Variants in CNTLN observed in about 807,000 individuals in gnomAD.
The protein encoded by CNTLN is centlein.
CNTLN carries 212 observed loss-of-function variants against 180.0 expected under a neutral mutation model. The ratio of observed to expected loss-of-function variants is 1.18; its 90% confidence interval spans 1.05 to 1.32. CNTLN has a LOEUF of 1.32. Among genes scored for constraint, CNTLN ranks in the 40% most tolerant of loss-of-function variants. The pLI is 0.00. For synonymous variants in CNTLN, 722 were observed against 563.1 expected, an observed-to-expected ratio of 1.28 and a Z score of -3.99; for missense variants, 2,095 against 1,610.9, an observed-to-expected ratio of 1.30 and a Z score of -5.14.
At chr9:17,429,622 A>C (rs1460735105) in intron 18 of CNTLN, among the ~76,000 whole-genome samples, 1 of 152,008 alleles carries the variant, frequency 6.6e-6, no homozygotes, top group Non-Finnish European at 1.5e-5. Flanking sequence ...TTAATTGGAT[A>C]AGAATTATTA....
At chr9:17,180,749 C>T (rs1332204510) in intron 2 of CNTLN, among the ~76,000 whole-genome samples, 3 of 152,008 alleles carry the variant, frequency 2.0e-5, no homozygotes, top group Non-Finnish European at 2.9e-5. Context: ...TCCTAGATTT[C>T]CCCCCTCCTA....
At chr9:17,231,351 T>C (rs1475245474) in intron 3 of CNTLN, among the ~76,000 whole-genome samples, 1 of 151,230 alleles carries the variant, frequency 6.6e-6, no homozygotes, top group African/African-American at 2.4e-5. Flanking sequence ...ACACACACAG[T>C]TTTTTTTTAG....
intron 7 of CNTLN, among the ~76,000 whole-genome samples, chr9:17,308,564 A>C (rs991270942): frequency 2.6e-5 from 4 of 152,070 alleles, no homozygotes; most frequent in African/African-American, 9.7e-5. Context: ...GTTAAGTCCG[A>C]TTAAACTGAT....
chr9:17,321,962 A>G (rs1163284645), intron 8 of CNTLN, among the ~76,000 whole-genome samples: 4 of 152,228 alleles, frequency 2.6e-5, no homozygotes, highest in African/African-American at 7.2e-5. Flanking sequence ...TAGTACTTTT[A>G]TATTATGCTT....
chr9:17,522,627 A>G, the CNTLN span, among the ~76,000 whole-genome samples: 2 of 152,092 alleles, frequency 1.3e-5, no homozygotes, highest in East Asian at 3.9e-4. Flanking sequence ...GACACAGAGA[A>G]GCAGACTTGG....
chr9:17,322,424 G>A (rs1053285858), intron 8 of CNTLN, among the ~76,000 whole-genome samples: 11 of 151,836 alleles, frequency 7.2e-5, no homozygotes, highest in Non-Finnish European at 1.2e-4. Flanking sequence ...AACCATTTCT[G>A]CTATAAAAAG....
chr9:17,213,150 G>T (rs1823460197), intron 2 of CNTLN, among the ~76,000 whole-genome samples: 1 of 151,944 alleles, frequency 6.6e-6, no homozygotes, highest in Non-Finnish European at 1.5e-5. Context: ...GTGATGCTAG[G>T]GTGTCAATTT....
intron 18 of CNTLN, among the ~76,000 whole-genome samples, chr9:17,426,907 C>T (rs1050448487): frequency 7.2e-5 from 11 of 151,940 alleles, no homozygotes; most frequent in South Asian, 2.1e-4. Flanking sequence ...AGATTCCTGA[C>T]CTACACTGAA....
At chr9:17,417,959 G>GT in intron 18 of CNTLN, among the ~76,000 whole-genome samples, 1 of 152,036 alleles carries the variant, frequency 6.6e-6, no homozygotes, top group Non-Finnish European at 1.5e-5. Context: ...TTTAGAGAGA[G>GT]TATAGTATAG....
intron 3 of CNTLN, among the ~76,000 whole-genome samples, chr9:17,230,084 G>A (rs1008707653): frequency 6.6e-6 from 1 of 152,166 alleles, no homozygotes; most frequent in African/African-American, 2.4e-5. Context: ...TGTGGGCTGG[G>A]ACTGTGTACA....
At chr9:17,190,706 A>G (rs1344000387) in intron 2 of CNTLN, among the ~76,000 whole-genome samples, 1 of 152,168 alleles carries the variant, frequency 6.6e-6, no homozygotes. Flanking sequence ...CCGAGTTGTC[A>G]TATTCTTATG....
At chr9:17,183,370 C>A (rs915919509) in intron 2 of CNTLN, among the ~76,000 whole-genome samples, 3 of 151,902 alleles carry the variant, frequency 2.0e-5, no homozygotes, top group African/African-American at 7.3e-5. Flanking sequence ...GGAGAATAAA[C>A]CTAGAAGAAA....
chr9:17,388,634 G>A (rs1435060635), intron 14 of CNTLN, among the ~76,000 whole-genome samples: 1 of 151,864 alleles, frequency 6.6e-6, no homozygotes, highest in Non-Finnish European at 1.5e-5. Flanking sequence ...AAAATACTGA[G>A]CATAGTTATA....
intron 13 of CNTLN, among the ~76,000 whole-genome samples, chr9:17,367,523 G>A (rs924510903): frequency 6.6e-6 from 1 of 152,122 alleles, no homozygotes; most frequent in African/African-American, 2.4e-5. Flanking sequence ...GCAGCTCATG[G>A]GGTATTTGTG....
intron 15 of CNTLN, among the ~76,000 whole-genome samples, chr9:17,398,810 T>A (rs1197188670): frequency 2.6e-5 from 4 of 152,168 alleles, no homozygotes; most frequent in African/African-American, 9.7e-5. Flanking sequence ...ATAAGCAATT[T>A]TGGCATAAGA....
At chr9:17,217,451 G>T (rs146043962) in intron 2 of CNTLN, among the ~76,000 whole-genome samples, 2 of 152,278 alleles carry the variant, frequency 1.3e-5, no homozygotes, top group East Asian at 3.9e-4. Context: ...ACAGTGGCCT[G>T]TGGGAATTCA....
chr9:17,252,207 G>A (rs1826185827), intron 5 of CNTLN, among the ~76,000 whole-genome samples: 1 of 151,784 alleles, frequency 6.6e-6, no homozygotes, highest in Non-Finnish European at 1.5e-5. Context: ...TTCAATTGCA[G>A]CAACCTATCT....
intron 5 of CNTLN, among the ~76,000 whole-genome samples, chr9:17,237,744 G>GAT (rs1825246685): frequency 6.6e-6 from 1 of 151,810 alleles, no homozygotes; most frequent in Non-Finnish European, 1.5e-5. Context: ...AATATGTATG[G>GAT]ATATATGTGT....
At chr9:17,270,523 A>G (rs145601525) in intron 5 of CNTLN, among the ~76,000 whole-genome samples, 1 of 152,266 alleles carries the variant, frequency 6.6e-6, no homozygotes, top group East Asian at 1.9e-4. Context: ...GGATTTTTGC[A>G]TCTATATGCC....
Sources: allele counts gnomAD v4.1 joint callset (sites outside exome capture counted in the v4.1 genomes callset), GRCh38; gene constraint gnomAD v4.1.1; transcripts MANE v1.5; gene names NCBI Gene and HGNC (gene_info 2026-07-23, HGNC 2026-07-21).